The following TMX4 variants were observed in gnomAD, a reference collection of about 807,000 sequenced individuals.
TMX4 encodes the protein thioredoxin related transmembrane protein 4.
In TMX4, 23 loss-of-function variants were observed where a neutral mutation model predicts 33.3. The ratio of observed to expected loss-of-function variants is 0.69; its 90% confidence interval spans 0.50 to 0.98. The LOEUF is 0.98. Among genes scored for constraint, TMX4 ranks in the 50% least tolerant of loss-of-function variants. The pLI, the probability that TMX4 is intolerant of heterozygous loss-of-function variation, is 0.00. For missense variants in TMX4, 399 were observed against 448.9 expected, an observed-to-expected ratio of 0.89 and a Z score of 1.01; for synonymous variants, 164 against 161.5, an observed-to-expected ratio of 1.02 and a Z score of -0.12.
rs145934997 is a variant in TMX4 at position 7,995,179 on chromosome 20, C to T, written c.513+847G>A. On this transcript the variant is annotated intron_variant, in intron 5 of 7. Transcript: ENST00000246024. ...GAAACAGAAAAAGAGTCTTCACAAA[C>T]TCTTTGAATATTATGTTCCAAACAT... 4.0e-3 allele frequency among the ~76,000 whole-genome samples: 616 copies of T among 152,214 alleles called. 6 individuals are homozygous for T. The highest frequency in any genetic ancestry group is 0.013 in the African/African-American group (543 of 41,526).
chr20:7,986,585 G>C (rs1281978057), intron 6 of TMX4, among the ~76,000 whole-genome samples: 2 of 152,028 alleles, frequency 1.3e-5, no homozygotes, highest in African/African-American at 4.8e-5. Flanking sequence ...GGTTTAATTA[G>C]GGTTTAAAAT....
chr20:8,010,083 G>A, intron 2 of TMX4, 117 bp downstream of exon 2: 1 of 703,908 alleles, frequency 1.4e-6, no homozygotes, highest in East Asian at 3.0e-5. Flanking sequence ...GCTACTTAAA[G>A]GTGGCCAGTT....
At chr20:8,014,895 C>T (rs1005847571) in intron 1 of TMX4, among the ~76,000 whole-genome samples, 4 of 152,180 alleles carry the variant, frequency 2.6e-5, no homozygotes, top group Non-Finnish European at 5.9e-5. Flanking sequence ...CCTCCAGGCT[C>T]CCCAGGAGAA....
rs766074586 is a variant in TMX4 at position 7,982,500 on chromosome 20, T to C, written c.801A>G (p.Lys267=). ...KDSLVDDEEE[K]EDLGDEDEAE... ...CTTCATCCTCATCGCCAAGATCTTC[T>C]TTCTCTTCTTCATCATCTACAAGGC... is the stretch of plus-strand genomic sequence containing the variant. The change falls in exon 8 of 8, where the codon AAA becomes AAG. Residue 267 remains lysine, a synonymous_variant. Transcript: ENST00000246024. The C allele has an allele frequency of 1.2e-6, 2 of 1,613,994 alleles. No homozygotes were observed. Among genetic ancestry groups the C allele is most frequent in the East Asian group, 2.2e-5 (1 of 44,850 alleles).
At chr20:8,001,931 T>C (rs565022989) in intron 2 of TMX4, among the ~76,000 whole-genome samples, 8 of 152,300 alleles carry the variant, frequency 5.3e-5, no homozygotes, top group African/African-American at 1.9e-4. Flanking sequence ...AAAGTTAGAT[T>C]AGGGCAAGTG....
At chr20:8,013,415 T>A (rs1362863207) in intron 1 of TMX4, among the ~76,000 whole-genome samples, 2 of 152,230 alleles carry the variant, frequency 1.3e-5, no homozygotes, top group Non-Finnish European at 2.9e-5. Context: ...CACAGTGGTA[T>A]GTAAAATTAG....
At position 8,010,311 on chromosome 20, in the gene TMX4, C is replaced by G; in HGVS notation, c.181G>C (p.Ala61Pro). 1 of 1,603,770 alleles carries G rather than the reference C, an allele frequency of 6.2e-7. No individual in the cohort carries two copies. The highest frequency in any genetic ancestry group is 8.5e-7 in the Non-Finnish European group (1 of 1,173,966). Residue 61 changes from alanine to proline, a missense_variant, in exon 2 of 8, where the codon GCC (alanine) becomes CCC (proline). Transcript: ENST00000246024. ...TGCTGGCAGGATGGACACCATGGGG[C>G]GTAACTATAAGAGAAGAATAAGAAT... ...MEGEWMLKFY[A>P]PWCPSCQQTD...
intron 1 of TMX4, chr20:8,019,014 C>G (rs1298438325): frequency 2.2e-6 from 1 of 453,042 alleles, no homozygotes; most frequent in Non-Finnish European, 4.4e-6. Flanking sequence ...ACTGAATGTC[C>G]TTTCTCTTCC....
chr20:8,005,505 C>G lies in TMX4; in HGVS notation c.293-3964G>C, dbSNP rs540802028. Among the ~76,000 whole-genome samples the G allele has an allele frequency of 4.6e-5, 7 of 152,284 alleles. No homozygotes were observed. The East Asian group carries it at 1.4e-3, about 29-fold the overall frequency. ...AGATGGGCCCCTGGAGAGGGCTCCA[C>G]CCTCGGGGCTGTGCCCATGGACCTA... On this transcript the variant is annotated intron_variant, in intron 2 of 7. Coordinates refer to ENST00000246024, the MANE Select transcript of TMX4 (RefSeq NM_021156.4).
intron 6 of TMX4, among the ~76,000 whole-genome samples, chr20:7,985,277 A>ATATTT (rs1436534553): frequency 2.9e-4 from 32 of 110,528 alleles, no homozygotes; most frequent in Non-Finnish European, 4.0e-4. Context: ...ATATATATAT[A>ATATTT]TTTTTTTTTT....
At chr20:8,019,202 C>T in intron 1 of TMX4, 1 of 525,970 alleles carries the variant, frequency 1.9e-6, no homozygotes, top group South Asian at 2.3e-5. Flanking sequence ...CGCGAGCGGC[C>T]GGGCCCCACA....
At chr20:7,985,277 A>AT (rs1214396295) in intron 6 of TMX4, among the ~76,000 whole-genome samples, 22,577 of 109,482 alleles carry the variant, frequency 0.21, 2,137 homozygotes, top group East Asian at 0.41. Context: ...ATATATATAT[A>AT]TTTTTTTTTT....
At chr20:8,003,629 A>T (rs2050716243) in intron 2 of TMX4, among the ~76,000 whole-genome samples, 1 of 152,172 alleles carries the variant, frequency 6.6e-6, no homozygotes, top group Non-Finnish European at 1.5e-5. Context: ...AAATAAATGT[A>T]CTCATGAAAA....
chr20:7,998,024 T>C (rs2050684133), intron 4 of TMX4, among the ~76,000 whole-genome samples: 1 of 152,092 alleles, frequency 6.6e-6, no homozygotes, highest in Non-Finnish European at 1.5e-5. Flanking sequence ...CATGTGATGT[T>C]ATGTGCTTCC....
At chr20:7,998,839 C>T (rs1191332107) in intron 4 of TMX4, among the ~76,000 whole-genome samples, 1 of 152,182 alleles carries the variant, frequency 6.6e-6, no homozygotes, top group African/African-American at 2.4e-5. Flanking sequence ...TCTAGAAGAG[C>T]AGGTCCATAA....
intron 4 of TMX4, 24 bp downstream of exon 4, chr20:7,999,708 C>A: frequency 1.2e-6 from 2 of 1,605,304 alleles, no homozygotes; most frequent in Non-Finnish European, 1.7e-6. Flanking sequence ...ATTAGTAACA[C>A]CTTGTCTTAA....
At chr20:7,984,432 A>C (rs2050621957) in intron 6 of TMX4, among the ~76,000 whole-genome samples, 1 of 152,144 alleles carries the variant, frequency 6.6e-6, no homozygotes, top group Non-Finnish European at 1.5e-5. Flanking sequence ...GAGACCCAGG[A>C]GGTGGGGCAA....
At chr20:8,013,045 A>AT (rs141669640) in intron 1 of TMX4, among the ~76,000 whole-genome samples, 2,140 of 152,330 alleles carry the variant, frequency 0.014, 23 homozygotes, top group Middle Eastern at 0.048. Context: ...AGTAATTTGT[A>AT]TAAGAATTTA....
intron 2 of TMX4, among the ~76,000 whole-genome samples, chr20:8,008,100 A>C (rs2050738092): frequency 6.6e-6 from 1 of 152,236 alleles, no homozygotes; most frequent in South Asian, 2.1e-4. Context: ...GAAAGCATTA[A>C]ATTTGTAATT....
Sources: allele counts gnomAD v4.1 joint callset (sites outside exome capture counted in the v4.1 genomes callset), GRCh38; gene constraint gnomAD v4.1.1; transcripts MANE v1.5; gene names NCBI Gene and HGNC (gene_info 2026-07-23, HGNC 2026-07-21).